Variants in LPP observed in about 807,000 individuals in gnomAD.
LPP encodes the protein LIM domain containing preferred translocation partner in lipoma.
A neutral mutation model predicts 60.4 loss-of-function variants in LPP; 38 were observed. The ratio of observed to expected loss-of-function variants is 0.63; its 90% CI spans 0.49 to 0.83. LPP has a LOEUF of 0.83. Ranked by LOEUF, LPP falls within the 40% of genes least tolerant of loss-of-function variation. LPP has a pLI of 0.00. For missense variants in LPP, 902 were observed against 783.6 expected (o/e 1.15, Z -1.80); for synonymous variants, 328 against 290.8 (o/e 1.13, Z -1.30).
chr3:188,214,420 T>C (rs968352983), intron 1 of LPP, among the ~76,000 whole-genome samples: 7 of 152,156 alleles, frequency 4.6e-5, no homozygotes, highest in African/African-American at 9.7e-5. Context: ...CATGAGCTGC[T>C]GCACCTGGCC....
chr3:188,342,666 A>G (rs888637641), intron 3 of LPP, among the ~76,000 whole-genome samples: 2 of 152,218 alleles, frequency 1.3e-5, no homozygotes, highest in African/African-American at 2.4e-5. Flanking sequence ...TCGAACTGCA[A>G]CCATGACTTC....
chr3:188,175,528 A>C (rs1722819387), intron 1 of LPP, among the ~76,000 whole-genome samples: 1 of 152,190 alleles, frequency 6.6e-6, no homozygotes, highest in African/African-American at 2.4e-5. Flanking sequence ...CACAGAGAAA[A>C]TAGTACTCAT....
chr3:188,869,086 G>A (rs1026781125), intron 10 of LPP, among the ~76,000 whole-genome samples: 1 of 152,032 alleles, frequency 6.6e-6, no homozygotes, highest in Non-Finnish European at 1.5e-5. Context: ...GTTTTAAGTG[G>A]GAAACAAGGA....
At chr3:188,161,556 C>T (rs1227577114) in intron 1 of LPP, among the ~76,000 whole-genome samples, 2 of 152,122 alleles carry the variant, frequency 1.3e-5, no homozygotes, top group Non-Finnish European at 2.9e-5. Context: ...GTGAGCTGAT[C>T]CCTTGTTATA....
chr3:188,495,084 T>TATATATATATATATATA (rs61034825), intron 5 of LPP, among the ~76,000 whole-genome samples: 7 of 15,504 alleles, frequency 4.5e-4, no homozygotes, highest in East Asian at 6.0e-3. Context: ...ATATATATAT[T>TATATATATATATATATA]TTATTTATAT....
intron 1 of LPP, among the ~76,000 whole-genome samples, chr3:188,202,503 T>C (rs1731358215): frequency 6.6e-6 from 1 of 152,210 alleles, no homozygotes; most frequent in Non-Finnish European, 1.5e-5. Flanking sequence ...GACTGTGTCG[T>C]CTGCATCAAT....
chr3:188,666,603 A>G lies in LPP; in HGVS notation c.1114-41664A>G, dbSNP rs147549781. ...TATACCTTACGGATTTCTTTATAAC[A>G]ATTATTTTTCAACAGGAAAGAAGGA... On this transcript the variant is annotated intron_variant, in intron 7 of 11. Coordinates refer to ENST00000617246, the MANE Select transcript of LPP (RefSeq NM_001375462.1). 4.6e-5 allele frequency among the ~76,000 whole-genome samples: 7 copies of G among 152,302 alleles called. No individual in the cohort carries two copies. In the East Asian group the frequency reaches 1.2e-3, roughly 25 times the overall value.
chr3:188,670,258 A>T (rs961611354), intron 7 of LPP, among the ~76,000 whole-genome samples: 1 of 152,228 alleles, frequency 6.6e-6, no homozygotes, highest in African/African-American at 2.4e-5. Flanking sequence ...ATAATAATAA[A>T]AAAATAAATT....
intron 9 of LPP, among the ~76,000 whole-genome samples, chr3:188,854,457 G>A (rs550162133): frequency 2.0e-5 from 3 of 152,166 alleles, no homozygotes; most frequent in Admixed American, 1.3e-4. Context: ...GAAGGGAACC[G>A]CACAGTCACA....
At chr3:188,201,571 G>A (rs1401567030) in intron 1 of LPP, among the ~76,000 whole-genome samples, 1 of 152,170 alleles carries the variant, frequency 6.6e-6, no homozygotes, top group Non-Finnish European at 1.5e-5. Flanking sequence ...GCCAGGAGTG[G>A]TGGCGCATGC....
intron 4 of LPP, among the ~76,000 whole-genome samples, chr3:188,479,039 A>C (rs1177497998): frequency 6.6e-6 from 1 of 152,158 alleles, no homozygotes; most frequent in Non-Finnish European, 1.5e-5. Context: ...GGTGTGAGCC[A>C]TGCACCCAGC....
chr3:188,278,160 G>A (rs916521366), intron 2 of LPP, among the ~76,000 whole-genome samples: 1 of 152,182 alleles, frequency 6.6e-6, no homozygotes, highest in Non-Finnish European at 1.5e-5. Flanking sequence ...CTATGCAGTA[G>A]ATACTAGTGA....
At chr3:188,829,652 G>A (rs1756593158) in intron 9 of LPP, among the ~76,000 whole-genome samples, 1 of 152,116 alleles carries the variant, frequency 6.6e-6, no homozygotes, top group Non-Finnish European at 1.5e-5. Flanking sequence ...AAGTATATGT[G>A]GCTAAAATTG....
chr3:188,254,541 C>G (rs760420731), intron 2 of LPP, among the ~76,000 whole-genome samples: 12 of 152,134 alleles, frequency 7.9e-5, no homozygotes, highest in Non-Finnish European at 1.8e-4. Flanking sequence ...AATTGGCTTG[C>G]CTATGTTTTT....
intron 2 of LPP, among the ~76,000 whole-genome samples, chr3:188,302,383 C>G (rs1467236311): frequency 6.6e-6 from 1 of 152,206 alleles, no homozygotes; most frequent in Non-Finnish European, 1.5e-5. Context: ...CAGTTCTCCA[C>G]TTTAAATTTT....
At chr3:188,703,203 A>G (rs1864828678) in intron 7 of LPP, among the ~76,000 whole-genome samples, 1 of 152,238 alleles carries the variant, frequency 6.6e-6, no homozygotes, top group South Asian at 2.1e-4. Context: ...GAAACGAGAA[A>G]CAAAAATAAC....
intron 1 of LPP, among the ~76,000 whole-genome samples, chr3:188,159,278 G>A (rs1190422448): frequency 6.6e-6 from 1 of 152,094 alleles, no homozygotes; most frequent in Non-Finnish European, 1.5e-5. Flanking sequence ...GGGCTCTGAG[G>A]GAACACCTAC....
intron 2 of LPP, among the ~76,000 whole-genome samples, chr3:188,314,266 T>C (rs1578044166): frequency 1.3e-5 from 2 of 152,302 alleles, no homozygotes; most frequent in East Asian, 3.9e-4. Flanking sequence ...TGTTGAAAAG[T>C]ATCCACACTT....
At chr3:188,410,165 A>G (rs1417491620) in intron 4 of LPP, among the ~76,000 whole-genome samples, 1 of 152,198 alleles carries the variant, frequency 6.6e-6, no homozygotes, top group East Asian at 1.9e-4. Context: ...CATACTAGGA[A>G]CTCAATAGTG....
Sources: allele counts gnomAD v4.1 joint callset (sites outside exome capture counted in the v4.1 genomes callset), GRCh38; gene constraint gnomAD v4.1.1; transcripts MANE v1.5; gene names NCBI Gene and HGNC (gene_info 2026-07-23, HGNC 2026-07-21).